ERICH1: variants seen among roughly 807,000 people sequenced by gnomAD.
ERICH1 encodes the protein glutamate rich 1, also known as glutamate-rich protein 1.
In ERICH1, 56 loss-of-function variants were observed where a neutral mutation model predicts 39.6. The observed-to-expected ratio is 1.41, with a 90% confidence interval of 1.14 to 1.77. The LOEUF (loss-of-function observed/expected upper bound fraction) is 1.77, where lower values mean the gene tolerates loss of function less well. Ranked by LOEUF, ERICH1 falls within the 40% of genes most tolerant of loss-of-function variation. The pLI is 0.00. For synonymous variants in ERICH1, 313 were observed against 223.6 expected (o/e 1.40, Z -3.57); for missense variants, 826 against 575.4 (o/e 1.44, Z -4.45).
At position 673,698 on chromosome 8, in the gene ERICH1, C is replaced by T. The variant is rs372217169; in HGVS notation, c.654G>A (p.Pro218=). 60 of 1,613,908 alleles carry T rather than the reference C, an allele frequency of 3.7e-5. No individual in the cohort carries two copies. The South Asian group carries it at 3.7e-4, about 10-fold the overall frequency. ...TAACGTCTTCCTCCCCGGCCAGTGTCGGGTCTTCCTCGCTGGTGTCCACAC... is the reference window on the plus strand; with the variant it reads ...TAACGTCTTCCTCCCCGGCCAGTGTTGGGTCTTCCTCGCTGGTGTCCACAC... ...EDGVDTSEED[P]TLAGEEDVKD... Residue 218 remains proline, a synonymous_variant, in exon 4 of 6, where the codon CCG becomes CCA. Coordinates refer to ENST00000262109, the MANE Select transcript of ERICH1 (RefSeq NM_207332.3).
intron 1 of ERICH1, among the ~76,000 whole-genome samples, chr8:727,310 C>A (rs1300919818): frequency 6.6e-6 from 1 of 152,232 alleles, no homozygotes; most frequent in Non-Finnish European, 1.5e-5. Flanking sequence ...TCCCGGACTA[C>A]CAGAGCTGCA....
At chr8:720,230 C>T (rs1816978687) in intron 1 of ERICH1, among the ~76,000 whole-genome samples, 2 of 152,202 alleles carry the variant, frequency 1.3e-5, no homozygotes, top group Non-Finnish European at 2.9e-5. Flanking sequence ...CGCAGACATA[C>T]CAACGGCAGG....
At chr8:670,930 A>C (rs1292551412) in intron 4 of ERICH1, among the ~76,000 whole-genome samples, 1 of 147,588 alleles carries the variant, frequency 6.8e-6, no homozygotes, top group Admixed American at 6.7e-5. Flanking sequence ...CTCTGAGCCC[A>C]CCGGTCCCCC....
At chr8:687,603 G>A (rs1245002758) in intron 3 of ERICH1, among the ~76,000 whole-genome samples, 1 of 152,196 alleles carries the variant, frequency 6.6e-6, no homozygotes, top group Non-Finnish European at 1.5e-5. Context: ...ACTGGAGGGA[G>A]GCGGGTCCCT....
At chr8:615,264 C>G (rs760796328) in exon 4 of ERICH1, 1 of 697,230 alleles carries the variant, frequency 1.4e-6, no homozygotes. Context: ...ATTTTCTTGG[C>G]TTTAAGTCTG....
At chr8:707,150 T>C (rs574253745) in intron 2 of ERICH1, among the ~76,000 whole-genome samples, 4 of 151,082 alleles carry the variant, frequency 2.6e-5, no homozygotes, top group Admixed American at 6.6e-5. Context: ...ATCAATGGAA[T>C]AGAATTGAGA....
intron 2 of ERICH1, among the ~76,000 whole-genome samples, chr8:703,658 G>A (rs1163476698): frequency 3.3e-5 from 5 of 152,144 alleles, no homozygotes; most frequent in Non-Finnish European, 2.9e-5. Context: ...CCTCCTTCCC[G>A]CTCCAACTCT....
chr8:677,882 C>T (rs765209640), intron 3 of ERICH1, among the ~76,000 whole-genome samples: 5 of 152,154 alleles, frequency 3.3e-5, no homozygotes, highest in Non-Finnish European at 5.9e-5. Flanking sequence ...CCCCAGGCTC[C>T]TCCCGGCACG....
chr8:706,075 T>G (rs962229535), intron 2 of ERICH1, among the ~76,000 whole-genome samples: 2 of 152,242 alleles, frequency 1.3e-5, no homozygotes, highest in Non-Finnish European at 2.9e-5. Context: ...ATGTACTGAT[T>G]GGGCGAGCAG....
chr8:729,316 C>T (rs1313472763), intron 1 of ERICH1, among the ~76,000 whole-genome samples: 1 of 152,224 alleles, frequency 6.6e-6, no homozygotes, highest in Admixed American at 6.5e-5. Context: ...CCACCTGCAA[C>T]CACCCCATGA....
chr8:650,098 G>A (rs996571130), intron 3 of ERICH1, among the ~76,000 whole-genome samples: 3 of 152,244 alleles, frequency 2.0e-5, no homozygotes, highest in Admixed American at 6.5e-5. Context: ...AGGCCGGAAG[G>A]TTGCGGTCTC....
chr8:707,223 T>TC (rs2132261248), intron 2 of ERICH1, among the ~76,000 whole-genome samples: 1 of 148,856 alleles, frequency 6.7e-6, no homozygotes, highest in East Asian at 1.9e-4. Flanking sequence ...TTTTTTTTTT[T>TC]TTTAGACAGA....
At chr8:726,501 T>C (rs1818709263) in intron 1 of ERICH1, among the ~76,000 whole-genome samples, 1 of 138,466 alleles carries the variant, frequency 7.2e-6, no homozygotes, top group Non-Finnish European at 1.5e-5. Context: ...TGCATGCACA[T>C]ATACATAGGC....
At chr8:730,550 A>G (rs1319024298) in intron 1 of ERICH1, among the ~76,000 whole-genome samples, 4 of 152,128 alleles carry the variant, frequency 2.6e-5, no homozygotes, top group African/African-American at 9.7e-5. Context: ...ATTTTCTAAC[A>G]CTTCCGTTCT....
intron 2 of ERICH1, among the ~76,000 whole-genome samples, chr8:710,808 G>A (rs959564722): frequency 1.3e-5 from 2 of 152,056 alleles, no homozygotes; most frequent in East Asian, 1.9e-4. Context: ...TCCAAGTTTC[G>A]GCAGTTATGA....
At chr8:704,418 A>G (rs934481637) in intron 2 of ERICH1, among the ~76,000 whole-genome samples, 8 of 152,178 alleles carry the variant, frequency 5.3e-5, no homozygotes, top group African/African-American at 1.7e-4. Flanking sequence ...TGACCATAGA[A>G]CAAGGACAGG....
chr8:623,173 A>G (rs1002914969), intron 3 of ERICH1, among the ~76,000 whole-genome samples: 2 of 152,158 alleles, frequency 1.3e-5, no homozygotes, highest in African/African-American at 4.8e-5. Flanking sequence ...CAAACAACTT[A>G]AAACAATGCA....
chr8:699,912 C>A (rs1427275366), intron 2 of ERICH1, among the ~76,000 whole-genome samples: 1 of 136,140 alleles, frequency 7.3e-6, no homozygotes, highest in Non-Finnish European at 1.6e-5. Flanking sequence ...CCCGCACAGG[C>A]GCACAGGCCC....
chr8:643,582 C>T (rs75771744), intron 3 of ERICH1, among the ~76,000 whole-genome samples: 3,329 of 152,268 alleles, frequency 0.022, 52 homozygotes, highest in Non-Finnish European at 0.035. Flanking sequence ...TACCCCCTCA[C>T]CTTTGAAGAA....
Sources: gnomAD v4.1 joint callset for allele counts (sites outside exome capture counted in the v4.1 genomes callset) on GRCh38, gnomAD v4.1.1 for gene constraint, MANE v1.5 for transcripts, NCBI Gene and HGNC (gene_info 2026-07-23, HGNC 2026-07-21) for gene names.